The following RPRML variants were observed in gnomAD, a reference collection of about 807,000 sequenced individuals.
RPRML encodes reprimo like, also known as reprimo-like protein.
A neutral mutation model predicts 5.2 loss-of-function variants in RPRML; 4 were observed. The observed-to-expected ratio is 0.77, with a 90% CI of 0.38 to 1.76. The LOEUF (loss-of-function observed/expected upper bound fraction) is 1.76, where lower values mean the gene tolerates loss of function less well. RPRML is among the 40% of genes most tolerant of loss of function. The pLI, the probability that RPRML is intolerant of heterozygous loss-of-function variation, is 0.04. For synonymous variants in RPRML, 79 were observed against 89.1 expected, an observed-to-expected ratio of 0.89 and a Z score of 0.64; for missense variants, 181 against 177.7, an observed-to-expected ratio of 1.02 and a Z score of -0.11.
chr17:46,978,251 C>A lies in RPRML; in HGVS notation c.*394G>T. On this transcript the variant is annotated 3_prime_UTR_variant, in exon 1 of 1. Coordinates refer to ENST00000322329, the MANE Select transcript of RPRML (RefSeq NM_203400.5). ...AACAAGCTCAGCGACTCTGACGCTT[C>A]ACATCTTCACCCACTCGCACCGTGT... is the stretch of plus-strand genomic sequence containing the variant. The A allele has an allele frequency of 4.2e-6, 1 of 239,816 alleles. No homozygotes were observed. Among genetic ancestry groups the A allele is most frequent in the Non-Finnish European group, 7.9e-6 (1 of 126,548 alleles). The allele number at this position is 239,816 out of a possible 1,614,324, so 14.9% of individuals were successfully genotyped here. A position where few individuals can be genotyped will look rare whatever the true frequency, so the allele number is the denominator to read the frequency against.
rs2091469502 is a variant in RPRML at position 46,978,977 on chromosome 17, A to G, written c.31T>C (p.Leu11=). 1.4e-6 allele frequency: 2 copies of G among 1,448,112 alleles called. No homozygotes were observed. Among genetic ancestry groups the G allele is most frequent in the Non-Finnish European group, 1.8e-6 (2 of 1,110,300 alleles). 89.7% of individuals were successfully genotyped at this position (1,448,112 alleles called of 1,614,324 possible). A position where few individuals can be genotyped will look rare whatever the true frequency, so the allele number is the denominator to read the frequency against. Residue 11 remains leucine (L), a synonymous_variant, in exon 1 of 1, where the codon TTG becomes CTG. Coordinates refer to ENST00000322329, the MANE Select transcript of RPRML (RefSeq NM_203400.5). ...CCGCCCACGCCGTCCACCTCCTCCA[A>G]GCCGCTGTGGTTCAGGAAGGTCGCG... MNATFLNHSG[L]EEVDGVGGGA...
At position 46,979,046 on chromosome 17, in the gene RPRML, G is replaced by A; in HGVS notation, c.-39C>T. On this transcript the variant is annotated 5_prime_UTR_variant, in exon 1 of 1. Coordinates refer to ENST00000322329, the MANE Select transcript of RPRML (RefSeq NM_203400.5). ...CGGGGGTCTCGGCGCGCAGTCCCGG[G>A]TGCACTGGGCTGCTCGCCGGGGTCC... 7.3e-7 allele frequency: 1 copy of A among 1,368,938 alleles called. No homozygotes were observed. Among genetic ancestry groups the A allele is most frequent in the Non-Finnish European group, 9.3e-7 (1 of 1,072,612 alleles). The allele number at this position is 1,368,938 out of a possible 1,614,324, so 84.8% of individuals were successfully genotyped here.
rs2091467048 is a variant in RPRML, at chr17:46,978,781, A to G, written c.227T>C (p.Leu76Pro). 1 of 1,612,336 alleles carries G rather than the reference A, an allele frequency of 6.2e-7. No homozygotes were observed. ...RVAQIAVLCV[L>P]SLTVVFGVFF... ...GACGCCGAAGACCACGGTAAGCGAC[A>G]GCACGCAGAGCACGGCGATCTGCGC... Residue 76 changes from leucine (L) to proline (P), a missense_variant, in exon 1 of 1, where the codon CTG becomes CCG. Transcript: ENST00000322329.
At position 46,978,930 on chromosome 17, in the gene RPRML, TC is replaced by T; in HGVS notation, c.77del (p.Gly26GlufsTer73). 6.9e-7 allele frequency: 1 copy of T among 1,459,666 alleles called. No individual in the cohort carries two copies. Among genetic ancestry groups the T allele is most frequent in the Non-Finnish European group, 9.0e-7 (1 of 1,114,622 alleles). The allele number at this position is 1,459,666 out of a possible 1,614,324, so 90.4% of individuals were successfully genotyped here. On this transcript the variant is annotated frameshift_variant, in exon 1 of 1. Coordinates refer to ENST00000322329, the MANE Select transcript of RPRML (RefSeq NM_203400.5). LOFTEE classifies it high-confidence loss of function. ...ACGTGCCCAGCCCGTGGGTGCGGTTTCCCAGGGCGGCCCCGGCGCCGCCGCC... is the reference window on the plus strand; with the variant it reads ...ACGTGCCCAGCCCGTGGGTGCGGTTTCCAGGGCGGCCCCGGCGCCGCCGCC... ...GVGGGAGAALGNRTHGLGTWL... is the reference protein window; with the variant it reads ...GVGGGAGAALXNRTHGLGTWL...
Position 46,979,010 on chromosome 17 carries a change from C to G in RPRML, c.-3G>C. 1 of 1,401,096 alleles carries G rather than the reference C, an allele frequency of 7.1e-7. No individual in the cohort carries two copies. Among genetic ancestry groups the G allele is most frequent in the South Asian group, 1.6e-5 (1 of 64,090 alleles). The allele number at this position is 1,401,096 out of a possible 1,614,324, so 86.8% of individuals were successfully genotyped here. ...TGGTTCAGGAAGGTCGCGTTCATCG[C>G]CGCGCGGCGCCGGGGGTCTCGGCGC... On this transcript the variant is annotated 5_prime_UTR_variant, in exon 1 of 1. Transcript: ENST00000322329.
rs1427692374 is a variant in RPRML at position 46,979,090 on chromosome 17, C to T, written c.-83G>A. Reference sequence around the variant, plus strand: ...GGGGTCCGCGCTCTCAGGGACGCTCCGGACCCCTCGGACCGGCTCCTGCGG... The same window carrying T: ...GGGGTCCGCGCTCTCAGGGACGCTCTGGACCCCTCGGACCGGCTCCTGCGG... On this transcript the variant is annotated 5_prime_UTR_variant, in exon 1 of 1. Coordinates refer to ENST00000322329, the MANE Select transcript of RPRML (RefSeq NM_203400.5). The T allele has an allele frequency of 1.4e-5, 17 of 1,239,860 alleles. No homozygotes were observed. The East Asian group carries it at 4.6e-4, about 33-fold the overall frequency. 76.8% of individuals were successfully genotyped at this position (1,239,860 alleles called of 1,614,324 possible).
In RPRML at chr17:46,979,136, G is replaced by C. The variant is rs971626367; in HGVS notation, c.-129C>G. The C allele has an allele frequency of 1.9e-6, 2 of 1,036,678 alleles. No homozygotes were observed. The highest frequency in any genetic ancestry group is 3.2e-5 in the South Asian group (1 of 31,702). The allele number at this position is 1,036,678 out of a possible 1,614,324, so 64.2% of individuals were successfully genotyped here. A position where few individuals can be genotyped will look rare whatever the true frequency, so the allele number is the denominator to read the frequency against. ...TGCGGTACGGGGAGGGGACGAAGGC[G>C]GGAGGCTGGCTGCCTGCGCGCTCTC... On this transcript the variant is annotated 5_prime_UTR_variant, in exon 1 of 1. Coordinates refer to ENST00000322329, the MANE Select transcript of RPRML (RefSeq NM_203400.5).
Position 46,978,651 on chromosome 17 carries a change from C to T in RPRML, c.357G>A (p.Leu119=). ...SKDVGAAILG[L]Y ...GGGCGGACCCAGATGGCGCTCAGTA[C>T]AGCCCCAGGATGGCTGCGCCCACGT... Residue 119 remains leucine (L), a synonymous_variant, in exon 1 of 1, where the codon CTG becomes CTA. Coordinates refer to ENST00000322329, the MANE Select transcript of RPRML (RefSeq NM_203400.5). 1 of 1,603,388 alleles carries T rather than the reference C, an allele frequency of 6.2e-7. No individual in the cohort carries two copies.
In RPRML at chr17:46,978,841, G is replaced by A. The variant is rs1471999179; in HGVS notation, c.167C>T (p.Ala56Val). ...AASDGVPAGL[A>V]PDERSLWVSR... ...CACCCACAGGCTGCGCTCGTCGGGC[G>A]CCAGCCCCGCGGGGACCCCGTCGCT... The change falls in exon 1 of 1, where the codon GCG (alanine) becomes GTG (valine). Residue 56 changes from alanine to valine, a missense_variant. Physicochemically the swap from Ala to Val is moderately conservative, Grantham distance 64. Transcript: ENST00000322329. 2.5e-6 allele frequency: 4 copies of A among 1,600,430 alleles called. No individual in the cohort carries two copies. The highest frequency in any genetic ancestry group is 4.5e-5 in the East Asian group (2 of 44,036).
chr17:46,978,243 T>C lies in RPRML; in HGVS notation c.*402A>G, dbSNP rs1042539288. 5 of 228,980 alleles carry C rather than the reference T, an allele frequency of 2.2e-5. No individual in the cohort carries two copies. Among genetic ancestry groups the C allele is most frequent in the Non-Finnish European group, 4.2e-5 (5 of 119,826 alleles). The allele number at this position is 228,980 out of a possible 1,614,324, so 14.2% of individuals were successfully genotyped here. ...ATCAGGCCAACAAGCTCAGCGACTC[T>C]GACGCTTCACATCTTCACCCACTCG... On this transcript the variant is annotated 3_prime_UTR_variant, in exon 1 of 1. Coordinates refer to ENST00000322329, the MANE Select transcript of RPRML (RefSeq NM_203400.5).
Position 46,979,085 on chromosome 17 carries a change from C to T in RPRML, c.-78G>A. ...TCGCCGGGGTCCGCGCTCTCAGGGA[C>T]GCTCCGGACCCCTCGGACCGGCTCC... On this transcript the variant is annotated 5_prime_UTR_variant, in exon 1 of 1. Coordinates refer to ENST00000322329, the MANE Select transcript of RPRML (RefSeq NM_203400.5). 5 of 1,277,142 alleles carry T rather than the reference C, an allele frequency of 3.9e-6. No homozygotes were observed. The highest frequency in any genetic ancestry group is 5.0e-6 in the Non-Finnish European group (5 of 1,005,122). 79.1% of individuals were successfully genotyped at this position (1,277,142 alleles called of 1,614,324 possible).
chr17:46,978,466 CG>C lies in RPRML; in HGVS notation c.*178del. On this transcript the variant is annotated 3_prime_UTR_variant, in exon 1 of 1. Transcript: ENST00000322329. ...CGCTGCAGCGCACACAGGACAGAGC[CG>C]GGCGTCCAAGTCCCTTCCCGCGCCC... is the stretch of plus-strand genomic sequence containing the variant. The C allele has an allele frequency of 1.6e-6, 1 of 642,428 alleles. No homozygotes were observed. The highest frequency in any genetic ancestry group is 2.6e-6 in the Non-Finnish European group (1 of 391,158). The allele number at this position is 642,428 out of a possible 1,614,324, so 39.8% of individuals were successfully genotyped here.
Position 46,978,648 on chromosome 17 carries a change from G to A in RPRML, c.360C>T (p.Tyr120=). The change falls in exon 1 of 1, where the codon TAC becomes TAT. Residue 120 remains tyrosine (Y), a synonymous_variant. Transcript: ENST00000322329. ...CGAGGGCGGACCCAGATGGCGCTCAGTACAGCCCCAGGATGGCTGCGCCCA... is the reference window on the plus strand; with the variant it reads ...CGAGGGCGGACCCAGATGGCGCTCAATACAGCCCCAGGATGGCTGCGCCCA... ...KDVGAAILGL[Y] is the part of the protein sequence containing the mutation. The A allele has an allele frequency of 1.2e-6, 2 of 1,602,076 alleles. No homozygotes were observed. The highest frequency in any genetic ancestry group is 8.5e-7 in the Non-Finnish European group (1 of 1,175,342).
At position 46,978,600 on chromosome 17, in the gene RPRML, G is replaced by T; in HGVS notation, c.*45C>A. 1 of 1,538,934 alleles carries T rather than the reference G, an allele frequency of 6.5e-7. No individual in the cohort carries two copies. Among genetic ancestry groups the T allele is most frequent in the South Asian group, 1.2e-5 (1 of 82,286 alleles). On this transcript the variant is annotated 3_prime_UTR_variant, in exon 1 of 1. Transcript: ENST00000322329. ...GCGGGGCGAGGGTCCGGGTCTCCGG[G>T]GTCCTTCTTGCAGCAGCGCTGGCGA...
In RPRML at chr17:46,978,974, C is replaced by G. The variant is rs890686997; in HGVS notation, c.34G>C (p.Glu12Gln). ...CCGCCGCCCACGCCGTCCACCTCCTCCAAGCCGCTGTGGTTCAGGAAGGTC... is the reference window on the plus strand; with the variant it reads ...CCGCCGCCCACGCCGTCCACCTCCTGCAAGCCGCTGTGGTTCAGGAAGGTC... ...NATFLNHSGLEEVDGVGGGAG... is the reference protein window; with the variant it reads ...NATFLNHSGLQEVDGVGGGAG... Residue 12 changes from glutamate to glutamine, a missense_variant, in exon 1 of 1, where the codon GAG becomes CAG. By Grantham distance (29) the Glu-to-Gln change is conservative (BLOSUM62 2). Transcript: ENST00000322329. 1.5e-5 allele frequency: 22 copies of G among 1,449,372 alleles called. No homozygotes were observed. Among genetic ancestry groups the G allele is most frequent in the Non-Finnish European group, 2.0e-5 (22 of 1,111,074 alleles). The allele number at this position is 1,449,372 out of a possible 1,614,324, so 89.8% of individuals were successfully genotyped here.
chr17:46,978,521 C>CGGGCGCCCCAGGCACGTAGCT lies in RPRML; in HGVS notation c.*103_*123dup, dbSNP rs570772172. 4.6e-3 allele frequency: 5,659 copies of CGGGCGCCCCAGGCACGTAGCT among 1,222,994 alleles called. 24 individuals are homozygous for CGGGCGCCCCAGGCACGTAGCT. The highest frequency in any genetic ancestry group is 5.7e-3 in the Non-Finnish European group (5,193 of 909,246). The allele number at this position is 1,222,994 out of a possible 1,614,324, so 75.8% of individuals were successfully genotyped here. A position where few individuals can be genotyped will look rare whatever the true frequency, so the allele number is the denominator to read the frequency against. ...CCGACAGTCTCGCCGCGTCCCCGCC[C>CGGGCGCCCCAGGCACGTAGCT]GGGCGCCCCAGGCACGTAGCTGCCC... is the stretch of plus-strand genomic sequence containing the variant. On this transcript the variant is annotated 3_prime_UTR_variant, in exon 1 of 1. Transcript: ENST00000322329.
In RPRML at chr17:46,978,391, AAC is replaced by A. The variant is rs1157521957; in HGVS notation, c.*252_*253del. Reference sequence around the variant, plus strand: ...CCCCGAACGTCTTAAAAAACAAACAAACAAAAAAAACTGGTAAGAACCCTCAC... The same window carrying A: ...CCCCGAACGTCTTAAAAAACAAACAAAAAAAAAACTGGTAAGAACCCTCAC... On this transcript the variant is annotated 3_prime_UTR_variant, in exon 1 of 1. Transcript: ENST00000322329. The A allele has an allele frequency of 1.9e-4, 66 of 340,028 alleles. No individual in the cohort carries two copies. Among genetic ancestry groups the A allele is most frequent in the South Asian group, 1.2e-3 (36 of 29,722 alleles). 21.1% of individuals were successfully genotyped at this position (340,028 alleles called of 1,614,324 possible).
In RPRML at chr17:46,978,791, G is replaced by A; in HGVS notation, c.217C>T (p.Leu73Phe). The change falls in exon 1 of 1, where the codon CTC (leucine) becomes TTC (phenylalanine). Residue 73 changes from leucine (L) to phenylalanine (F), a missense_variant. By Grantham distance (22) the Leu-to-Phe change is conservative (BLOSUM62 0). Transcript: ENST00000322329. ...WVSRVAQIAV[L>F]CVLSLTVVFG... is the part of the protein sequence containing the mutation. ...ACCACGGTAAGCGACAGCACGCAGAGCACGGCGATCTGCGCCACCCGCGAC... is the reference window on the plus strand; with the variant it reads ...ACCACGGTAAGCGACAGCACGCAGAACACGGCGATCTGCGCCACCCGCGAC... The A allele has an allele frequency of 6.2e-7, 1 of 1,611,940 alleles. No individual in the cohort carries two copies. Among genetic ancestry groups the A allele is most frequent in the Non-Finnish European group, 8.5e-7 (1 of 1,179,376 alleles).
chr17:46,978,609 T>A lies in RPRML; in HGVS notation c.*36A>T. On this transcript the variant is annotated 3_prime_UTR_variant, in exon 1 of 1. Transcript: ENST00000322329. ...GGGTCCGGGTCTCCGGGGTCCTTCT[T>A]GCAGCAGCGCTGGCGAGGGCGGACC... The A allele has an allele frequency of 6.5e-7, 1 of 1,546,790 alleles. No homozygotes were observed. The highest frequency in any genetic ancestry group is 8.7e-7 in the Non-Finnish European group (1 of 1,148,612).
Sources: gnomAD v4.1 joint callset for allele counts on GRCh38, gnomAD v4.1.1 for gene constraint, MANE v1.5 for transcripts, NCBI Gene and HGNC (gene_info 2026-07-23, HGNC 2026-07-21) for gene names.